FGF12: variants seen among roughly 807,000 people sequenced by gnomAD.
FGF12 encodes the protein fibroblast growth factor 12B.
A neutral mutation model predicts 23.6 loss-of-function variants in FGF12; 14 were observed. The observed-to-expected ratio is 0.59, with a 90% confidence interval of 0.39 to 0.93. The LOEUF (loss-of-function observed/expected upper bound fraction) is 0.93. FGF12 is among the 40% of genes least tolerant of loss of function. The probability of loss-of-function intolerance (pLI) is 0.00; values close to 1 mark genes in which losing one functional copy is unlikely to be tolerated. For synonymous variants in FGF12, 62 were observed against 77.3 expected (o/e 0.80, Z 1.04); for missense variants, 175 against 217.8 (o/e 0.80, Z 1.24).
At chr3:192,511,010 GT>G (rs749917973) in intron 2 of FGF12, among the ~76,000 whole-genome samples, 7 of 151,944 alleles carry the variant, frequency 4.6e-5, no homozygotes, top group Middle Eastern at 3.4e-3. Flanking sequence ...GATCGTTGAG[GT>G]TTTTTTTGCC....
intron 2 of FGF12, among the ~76,000 whole-genome samples, chr3:192,472,669 A>G (rs1298014933): frequency 6.6e-6 from 1 of 152,116 alleles, no homozygotes; most frequent in Non-Finnish European, 1.5e-5. Flanking sequence ...GTAGGAAGGG[A>G]GAGAGTCATT....
intron 2 of FGF12, among the ~76,000 whole-genome samples, chr3:192,599,114 G>T (rs1456726174): frequency 6.6e-6 from 1 of 152,054 alleles, no homozygotes; most frequent in African/African-American, 2.4e-5. Flanking sequence ...CCTGTAGGGG[G>T]TGGGGGACTA....
rs1370013662 is a variant in FGF12 at position 192,300,624 on chromosome 3, G to A, written c.228+34737C>T. On this transcript the variant is annotated intron_variant, in intron 4 of 5. Transcript: ENST00000445105. ...TAATTCATTTTCTTTATAATGTTATGTATTTTTTTATATATAAATTAAAAA... is the reference window on the plus strand; with the variant it reads ...TAATTCATTTTCTTTATAATGTTATATATTTTTTTATATATAAATTAAAAA... Among the ~76,000 whole-genome samples, 3 of 149,540 alleles carry A rather than the reference G, an allele frequency of 2.0e-5. No homozygotes were observed. In the East Asian group the frequency reaches 5.9e-4, roughly 29 times the overall value.
intron 4 of FGF12, among the ~76,000 whole-genome samples, chr3:192,174,912 C>A (rs1045866279): frequency 1.3e-5 from 2 of 152,088 alleles, no homozygotes; most frequent in South Asian, 2.1e-4. Flanking sequence ...AATTTAACAA[C>A]CTCCAACTCA....
At chr3:192,702,023 C>T (rs187920090) in intron 2 of FGF12, among the ~76,000 whole-genome samples, 1 of 152,190 alleles carries the variant, frequency 6.6e-6, no homozygotes, top group Admixed American at 6.5e-5. Context: ...GCACCTCCCA[C>T]CACAACTCTA....
intron 3 of FGF12, among the ~76,000 whole-genome samples, chr3:192,354,475 A>G (rs570527121): frequency 3.4e-4 from 52 of 152,102 alleles, no homozygotes; most frequent in Non-Finnish European, 6.2e-4. Context: ...AAAATATCGG[A>G]GGCAACAGAA....
chr3:192,647,715 A>G (rs1441432662), intron 2 of FGF12, among the ~76,000 whole-genome samples: 3 of 137,708 alleles, frequency 2.2e-5, no homozygotes, highest in South Asian at 2.1e-4. Flanking sequence ...ATATATACAT[A>G]TATATATACA....
At chr3:192,290,631 C>T (rs1418337202) in intron 4 of FGF12, among the ~76,000 whole-genome samples, 1 of 152,160 alleles carries the variant, frequency 6.6e-6, no homozygotes, top group Admixed American at 6.6e-5. Flanking sequence ...CCAAGTTGTG[C>T]TGCTCGTGAG....
chr3:192,506,518 G>A (rs1385286125), intron 2 of FGF12, among the ~76,000 whole-genome samples: 4 of 151,782 alleles, frequency 2.6e-5, no homozygotes, highest in Admixed American at 6.6e-5. Flanking sequence ...TTATAGCTGC[G>A]CAACACTGCA....
At position 192,345,462 on chromosome 3, in the gene FGF12, C is replaced by A. The variant is rs1361846529; in HGVS notation, c.125-9998G>T. Among the ~76,000 whole-genome samples the A allele has an allele frequency of 4.6e-5, 2 of 43,058 alleles. 1 individual carries two copies. The highest frequency in any genetic ancestry group is 6.9e-5 in the Non-Finnish European group (2 of 29,092). 28.2% of individuals were successfully genotyped at this position (43,058 alleles called of 152,430 possible). ...CAGCACTTTGGGAGGCCGAGGCGGG[C>A]GGATCACGAGGTCAGGAGATCGAGA... On this transcript the variant is annotated intron_variant, in intron 3 of 5. Coordinates refer to ENST00000445105, the MANE Select transcript of FGF12 (RefSeq NM_004113.6).
intron 2 of FGF12, among the ~76,000 whole-genome samples, chr3:192,406,851 T>C (rs1720976069): frequency 6.6e-6 from 1 of 152,032 alleles, no homozygotes; most frequent in Admixed American, 6.6e-5. Context: ...GACCCAACCA[T>C]GTACTTCATT....
At chr3:192,332,938 C>T (rs1717201090) in intron 4 of FGF12, among the ~76,000 whole-genome samples, 1 of 152,076 alleles carries the variant, frequency 6.6e-6, no homozygotes, top group Non-Finnish European at 1.5e-5. Flanking sequence ...GAGGCGAAAG[C>T]ATTGTGATTC....
At chr3:192,415,143 C>A (rs1313628221) in intron 2 of FGF12, among the ~76,000 whole-genome samples, 2 of 152,012 alleles carry the variant, frequency 1.3e-5, no homozygotes. Flanking sequence ...TGGCTTATAC[C>A]ACCTAGGAGA....
At chr3:192,350,588 A>C (rs902639880) in intron 3 of FGF12, among the ~76,000 whole-genome samples, 1 of 152,120 alleles carries the variant, frequency 6.6e-6, no homozygotes, top group African/African-American at 2.4e-5. Context: ...GGATTGAGCT[A>C]TTTAGATATT....
At chr3:192,260,951 G>A (rs1712706276) in intron 4 of FGF12, among the ~76,000 whole-genome samples, 1 of 152,134 alleles carries the variant, frequency 6.6e-6, no homozygotes, top group East Asian at 1.9e-4. Context: ...AACCAAGGAT[G>A]TATAGGGTTT....
intron 2 of FGF12, among the ~76,000 whole-genome samples, chr3:192,593,803 G>A (rs991521421): frequency 6.6e-6 from 1 of 151,862 alleles, no homozygotes; most frequent in African/African-American, 2.4e-5. Flanking sequence ...TCTGAGGCTT[G>A]AAAGATACTG....
Position 192,494,849 on chromosome 3 carries a change from T to C in FGF12, c.14-134311A>G, listed in dbSNP as rs1046770623. On this transcript the variant is annotated intron_variant, in intron 2 of 5. Transcript: ENST00000445105. ...GAATTGGAGGGCCTATGCATATATA[T>C]ATATATATATAAAATACATTTTTCT... 1.6e-4 allele frequency among the ~76,000 whole-genome samples: 25 copies of C among 151,620 alleles called. 1 individual carries two copies. Among genetic ancestry groups the C allele is most frequent in the Admixed American group, 1.1e-3 (17 of 15,202 alleles).
chr3:192,154,606 G>A (rs535770281), intron 5 of FGF12, among the ~76,000 whole-genome samples: 3 of 151,466 alleles, frequency 2.0e-5, no homozygotes, highest in Admixed American at 2.0e-4. Flanking sequence ...GCTGGGCGGT[G>A]CCTCCCAGTT....
intron 4 of FGF12, among the ~76,000 whole-genome samples, chr3:192,298,648 G>C (rs1474673098): frequency 6.6e-6 from 1 of 152,202 alleles, no homozygotes; most frequent in Admixed American, 6.5e-5. Flanking sequence ...TACTCAGGAG[G>C]CTGAGGCAGA....
Sources: allele counts gnomAD v4.1 joint callset (sites outside exome capture counted in the v4.1 genomes callset), GRCh38; gene constraint gnomAD v4.1.1; transcripts MANE v1.5; gene names NCBI Gene and HGNC (gene_info 2026-07-23, HGNC 2026-07-21).